The following DNM3 variants were observed in gnomAD, a reference collection of about 807,000 sequenced individuals.
DNM3 encodes the protein dynamin 3, also known as dynamin-3.
A neutral mutation model predicts 101.6 loss-of-function variants in DNM3; 47 were observed. That is an observed-to-expected ratio of 0.46 (90% CI 0.37 to 0.59). The LOEUF (loss-of-function observed/expected upper bound fraction) is 0.59. Among genes scored for constraint, DNM3 ranks in the 20% least tolerant of loss-of-function variants. The pLI, the probability that DNM3 is intolerant of heterozygous loss-of-function variation, is 0.00. For missense variants in DNM3, 849 were observed against 1,085.7 expected, an observed-to-expected ratio of 0.78 and a Z score of 3.06; for synonymous variants, 385 against 387.9, an observed-to-expected ratio of 0.99 and a Z score of 0.09.
At chr1:172,011,830 TA>T (rs1409428961) in intron 4 of DNM3, among the ~76,000 whole-genome samples, 1 of 152,058 alleles carries the variant, frequency 6.6e-6, no homozygotes, top group Admixed American at 6.6e-5. Flanking sequence ...TGCAAAATGA[TA>T]AATTTCTCAT....
intron 17 of DNM3, among the ~76,000 whole-genome samples, chr1:172,345,400 G>A (rs1178554548): frequency 6.6e-6 from 1 of 152,196 alleles, no homozygotes; most frequent in Non-Finnish European, 1.5e-5. Flanking sequence ...AGCCAAGTGA[G>A]AATGAAGGGC....
chr1:172,408,130 T>A lies in DNM3; in HGVS notation c.*289T>A. 1 of 1,176,620 alleles carries A rather than the reference T, an allele frequency of 8.5e-7. No individual in the cohort carries two copies. Among genetic ancestry groups the A allele is most frequent in the Non-Finnish European group, 1.1e-6 (1 of 947,476 alleles). 72.9% of individuals were successfully genotyped at this position (1,176,620 alleles called of 1,614,324 possible). A position where few individuals can be genotyped will look rare whatever the true frequency, so the allele number is the denominator to read the frequency against. On this transcript the variant is annotated 3_prime_UTR_variant, in exon 21 of 21. Coordinates refer to ENST00000627582, the MANE Select transcript of DNM3 (RefSeq NM_015569.5). ...ATCATTTGCCTACCATGGCATATAT[T>A]TGAAATTGCTTTGGACAAGTTTTCT...
intron 10 of DNM3, among the ~76,000 whole-genome samples, chr1:172,063,759 C>T (rs1265955654): frequency 8.8e-6 from 1 of 113,848 alleles, no homozygotes; most frequent in Non-Finnish European, 1.7e-5. Context: ...GCCTGGGCAA[C>T]AGAGCGAGAC....
At chr1:172,202,544 A>C (rs574582301) in intron 14 of DNM3, among the ~76,000 whole-genome samples, 14 of 152,232 alleles carry the variant, frequency 9.2e-5, no homozygotes, top group African/African-American at 3.4e-4. Flanking sequence ...TTATATATGT[A>C]TTTCTTTTAC....
intron 14 of DNM3, among the ~76,000 whole-genome samples, chr1:172,205,943 C>A (rs377294121): frequency 2.4e-4 from 37 of 152,080 alleles, no homozygotes; most frequent in African/African-American, 8.9e-4. Flanking sequence ...TTGAATGGAT[C>A]TTTTACCCAT....
At position 172,039,259 on chromosome 1, in the gene DNM3, C is replaced by T. The variant is rs570367582; in HGVS notation, c.992+798C>T. On this transcript the variant is annotated intron_variant, in intron 7 of 20. Coordinates refer to ENST00000627582, the MANE Select transcript of DNM3 (RefSeq NM_015569.5). ...CTGCAGGATACCCAAGGTCTACCTC[C>T]GAAGATGATGTTTGGCACCTCTTAT... is the stretch of plus-strand genomic sequence containing the variant. 9.9e-5 allele frequency among the ~76,000 whole-genome samples: 15 copies of T among 152,196 alleles called. No homozygotes were observed. In the South Asian group the frequency reaches 1.7e-3, roughly 17 times the overall value.
At position 172,209,402 on chromosome 1, in the gene DNM3, A is replaced by T. The variant is rs571779447; in HGVS notation, c.1660-44171A>T. On this transcript the variant is annotated intron_variant, in intron 14 of 20. Transcript: ENST00000627582. ...TTGTTATGGTAGCCCTAGCAAAATA[A>T]TACAGGCACCAAGGGTGAATATTGA... Among the ~76,000 whole-genome samples, 81 of 152,126 alleles carry T rather than the reference A, an allele frequency of 5.3e-4. 2 individuals are homozygous for T. The highest frequency in any genetic ancestry group is 1.7e-3 in the African/African-American group (69 of 41,540).
At chr1:171,980,328 CATA>C (rs2044694893) in intron 2 of DNM3, among the ~76,000 whole-genome samples, 1 of 151,946 alleles carries the variant, frequency 6.6e-6, no homozygotes, top group Admixed American at 6.6e-5. Flanking sequence ...TTAATTAACA[CATA>C]ATAATTGTAC....
At chr1:172,316,619 A>C (rs1444370678) in intron 16 of DNM3, among the ~76,000 whole-genome samples, 1 of 152,118 alleles carries the variant, frequency 6.6e-6, no homozygotes, top group East Asian at 1.9e-4. Flanking sequence ...CTTTAAACCA[A>C]CAAAGATCAA....
At chr1:172,110,297 A>G (rs1481748869) in intron 13 of DNM3, among the ~76,000 whole-genome samples, 1 of 151,994 alleles carries the variant, frequency 6.6e-6, no homozygotes, top group African/African-American at 2.4e-5. Flanking sequence ...CTTCTACACT[A>G]TTTTCAGTCC....
In DNM3 at chr1:172,144,187, T is replaced by A. The variant is rs1184525259; in HGVS notation, c.1659+12899T>A. ...CACTTGAATTATCAATCTTCAGAAATAAAAAAAAAAAAAACAGTAAATCGC... is the reference window on the plus strand; with the variant it reads ...CACTTGAATTATCAATCTTCAGAAAAAAAAAAAAAAAAAACAGTAAATCGC... On this transcript the variant is annotated intron_variant, in intron 14 of 20. Coordinates refer to ENST00000627582, the MANE Select transcript of DNM3 (RefSeq NM_015569.5). Among the ~76,000 whole-genome samples the A allele has an allele frequency of 1.9e-3, 272 of 141,892 alleles. 1 individual carries two copies. Among genetic ancestry groups the A allele is most frequent in the African/African-American group, 6.3e-3 (241 of 38,090 alleles). 93.1% of individuals were successfully genotyped at this position (141,892 alleles called of 152,430 possible).
At chr1:172,147,227 G>T (rs1396491210) in intron 14 of DNM3, among the ~76,000 whole-genome samples, 2 of 152,096 alleles carry the variant, frequency 1.3e-5, no homozygotes, top group Non-Finnish European at 2.9e-5. Flanking sequence ...TAAAAAGTTA[G>T]GAATACACAT....
intron 13 of DNM3, chr1:172,093,682 C>A (rs757376785): frequency 1.2e-6 from 2 of 1,604,552 alleles, no homozygotes; most frequent in East Asian, 2.2e-5. Context: ...GCATATAATT[C>A]TTTGCTATTT....
intron 15 of DNM3, among the ~76,000 whole-genome samples, chr1:172,258,312 G>A (rs1454549036): frequency 6.6e-6 from 1 of 152,020 alleles, no homozygotes; most frequent in African/African-American, 2.4e-5. Flanking sequence ...TAACGAAGTA[G>A]TTCTAGTTTT....
intron 1 of DNM3, among the ~76,000 whole-genome samples, chr1:171,869,402 T>C (rs2035067007): frequency 6.6e-6 from 1 of 152,180 alleles, no homozygotes; most frequent in Non-Finnish European, 1.5e-5. Context: ...CAGTGTGTGA[T>C]TTTCACTCTT....
intron 4 of DNM3, among the ~76,000 whole-genome samples, chr1:171,996,636 A>G (rs1251006427): frequency 3.9e-5 from 6 of 152,272 alleles, no homozygotes; most frequent in Non-Finnish European, 4.4e-5. Flanking sequence ...CAAGTTATTT[A>G]ACTTCTTTGA....
chr1:172,111,983 G>A (rs1040445815), intron 13 of DNM3, among the ~76,000 whole-genome samples: 1 of 152,010 alleles, frequency 6.6e-6, no homozygotes, highest in Non-Finnish European at 1.5e-5. Context: ...ACTGCTCTAC[G>A]TATTTATACT....
chr1:171,902,100 T>G (rs1304388005), intron 1 of DNM3, among the ~76,000 whole-genome samples: 1 of 152,206 alleles, frequency 6.6e-6, no homozygotes. Flanking sequence ...TTTCAAGAAT[T>G]AATAACCCCA....
chr1:172,297,103 A>T (rs942002478), intron 15 of DNM3, among the ~76,000 whole-genome samples: 4 of 149,838 alleles, frequency 2.7e-5, no homozygotes, highest in African/African-American at 9.9e-5. Context: ...AGATCATGCC[A>T]CTGCACTCCA....
Sources: allele counts gnomAD v4.1 joint callset (sites outside exome capture counted in the v4.1 genomes callset), GRCh38; gene constraint gnomAD v4.1.1; transcripts MANE v1.5; gene names NCBI Gene and HGNC (gene_info 2026-07-23, HGNC 2026-07-21).